TRPM8: variants seen among roughly 807,000 people sequenced by gnomAD.
The protein encoded by TRPM8 is transient receptor potential cation channel subfamily M member 8, also known as TRPM8 cationic channel.
In TRPM8, 110 loss-of-function variants were observed where a neutral mutation model predicts 133.7. That is an observed-to-expected ratio of 0.82 (90% CI 0.70 to 0.96). The LOEUF (loss-of-function observed/expected upper bound fraction) is 0.96, where lower values mean the gene tolerates loss of function less well. TRPM8 is among the 40% of genes least tolerant of loss of function. The probability of loss-of-function intolerance (pLI) is 0.00; values close to 1 mark genes in which losing one functional copy is unlikely to be tolerated. For missense variants in TRPM8, 1,291 were observed against 1,379.5 expected (o/e 0.94, Z 1.02); for synonymous variants, 535 against 532.3 (o/e 1.01, Z -0.07).
chr2:233,933,662 C>A (rs1691724914), intron 3 of TRPM8: 1 of 152,316 alleles, frequency 6.6e-6, no homozygotes, highest in Admixed American at 6.5e-5. Flanking sequence ...CTGTGACACA[C>A]CCCTACCCTT....
At chr2:233,999,681 C>T (rs997567076) in intron 22 of TRPM8, among the ~76,000 whole-genome samples, 2 of 152,242 alleles carry the variant, frequency 1.3e-5, no homozygotes, top group Admixed American at 6.5e-5. Flanking sequence ...AAATGCGTGG[C>T]GCCCTTGGAG....
At chr2:233,943,187 G>T (rs1453882471) in intron 6 of TRPM8, among the ~76,000 whole-genome samples, 1 of 149,276 alleles carries the variant, frequency 6.7e-6, no homozygotes, top group African/African-American at 2.5e-5. Context: ...GTATACATGT[G>T]CCATGTTGGT....
intron 6 of TRPM8, chr2:233,943,058 C>T: frequency 2.9e-6 from 1 of 342,922 alleles, no homozygotes. Context: ...TCAAAGCCAA[C>T]TGCAGTATCT....
chr2:233,992,342 A>T (rs1412752122), intron 21 of TRPM8, among the ~76,000 whole-genome samples: 1 of 151,776 alleles, frequency 6.6e-6, no homozygotes, highest in African/African-American at 2.4e-5. Flanking sequence ...CAGTTATTGA[A>T]ATGCTATTTT....
At chr2:233,919,873 A>G (rs928529499) in intron 1 of TRPM8, among the ~76,000 whole-genome samples, 5 of 152,202 alleles carry the variant, frequency 3.3e-5, no homozygotes, top group African/African-American at 1.2e-4. Flanking sequence ...TTAACATGAT[A>G]TTGCCGCTTG....
At chr2:234,007,977 C>T (rs1692734144) in intron 23 of TRPM8, 93 bp from the exon 24 acceptor site, 2 of 1,236,000 alleles carry the variant, frequency 1.6e-6, no homozygotes, top group Admixed American at 2.1e-5. Flanking sequence ...GTATTCTGTA[C>T]TTTAATTTAA....
chr2:233,960,983 G>T lies in TRPM8; in HGVS notation c.1570G>T (p.Val524Phe). Residue 524 changes from valine to phenylalanine, a missense_variant, in exon 12 of 26, where the codon GTC becomes TTC. By Grantham distance (50) the Val-to-Phe change is conservative. Transcript: ENST00000324695. ...NSYNDALLTF[V>F]WKLVANFRRG... is the part of the protein sequence containing the mutation. Reference sequence around the variant, plus strand: ...CTATAATGATGCCCTCCTCACGTTTGTCTGGAAACTGGTTGCGAACTTCCG... The same window carrying T: ...CTATAATGATGCCCTCCTCACGTTTTTCTGGAAACTGGTTGCGAACTTCCG... The T allele has an allele frequency of 1.2e-6, 2 of 1,614,156 alleles. No homozygotes were observed. Among genetic ancestry groups the T allele is most frequent in the African/African-American group, 1.3e-5 (1 of 75,042 alleles).
In TRPM8 at chr2:233,963,139, A is replaced by G. The variant is rs572730173; in HGVS notation, c.1654-143A>G. On this transcript the variant is annotated intron_variant, in intron 12 of 25. Coordinates refer to ENST00000324695, the MANE Select transcript of TRPM8 (RefSeq NM_024080.5). ...TTAGACCACCCAATGAGTTGCAGAG[A>G]TGAAAATCCCATCACTGTACTGTGA... 1.5e-3 allele frequency: 688 copies of G among 460,820 alleles called. 1 individual carries two copies. Among genetic ancestry groups the G allele is most frequent in the South Asian group, 2.1e-3 (31 of 14,494 alleles). 28.5% of individuals were successfully genotyped at this position (460,820 alleles called of 1,614,324 possible).
Position 233,963,273 on chromosome 2 carries a change from A to AC in TRPM8, c.1654-3dup. 2 of 1,601,516 alleles carry AC rather than the reference A, an allele frequency of 1.2e-6. No homozygotes were observed. The highest frequency in any genetic ancestry group is 1.7e-6 in the Non-Finnish European group (2 of 1,170,146). Reference sequence around the variant, plus strand: ...TTGCACATGCTGACCACATGCTCTAACCCCCCAGGACGTGTCTCCTATTAC... The same window carrying AC: ...TTGCACATGCTGACCACATGCTCTAACCCCCCCAGGACGTGTCTCCTATTAC... On this transcript the variant is annotated splice_polypyrimidine_tract_variant and intron_variant, in intron 12 of 25. Coordinates refer to ENST00000324695, the MANE Select transcript of TRPM8 (RefSeq NM_024080.5).
At chr2:233,931,925 C>T (rs1691687281) in intron 3 of TRPM8, among the ~76,000 whole-genome samples, 1 of 152,196 alleles carries the variant, frequency 6.6e-6, no homozygotes. Context: ...AAGTGAGGCC[C>T]AGAGAAGTTC....
intron 9 of TRPM8, 52 bp from the exon 10 acceptor site, chr2:233,953,865 C>T: frequency 7.9e-6 from 11 of 1,397,078 alleles, no homozygotes; most frequent in South Asian, 2.5e-5. Context: ...GAAGTTTATG[C>T]TCCTCATGCC....
chr2:233,931,293 G>A (rs891061294), intron 3 of TRPM8, among the ~76,000 whole-genome samples: 1 of 152,210 alleles, frequency 6.6e-6, no homozygotes, highest in African/African-American at 2.4e-5. Context: ...GGGTCGACTA[G>A]TGCTCACCCT....
intron 2 of TRPM8, among the ~76,000 whole-genome samples, chr2:233,929,119 C>T (rs925028502): frequency 6.6e-6 from 1 of 151,612 alleles, no homozygotes; most frequent in African/African-American, 2.4e-5. Flanking sequence ...GTTTGTTCAG[C>T]CTAAGGGGGA....
chr2:234,011,384 C>T (rs1692832813), intron 24 of TRPM8, among the ~76,000 whole-genome samples: 1 of 152,100 alleles, frequency 6.6e-6, no homozygotes, highest in Admixed American at 6.5e-5. Flanking sequence ...AATTTGAAGT[C>T]AGGAAGTGTG....
chr2:234,019,177 A>G lies in TRPM8; in HGVS notation c.*1921A>G, dbSNP rs369134499. 1.3e-5 allele frequency: 2 copies of G among 152,210 alleles called. No homozygotes were observed. The highest frequency in any genetic ancestry group is 2.9e-5 in the Non-Finnish European group (2 of 68,042). 9.4% of individuals were successfully genotyped at this position (152,210 alleles called of 1,614,324 possible). On this transcript the variant is annotated 3_prime_UTR_variant, in exon 26 of 26. Transcript: ENST00000324695. ...AAAATAACTACTCACAACATTCACT[A>G]TGTTTGCAAGGAATTAACACAAATA...
At chr2:233,943,810 G>T (rs1690975727) in intron 6 of TRPM8, among the ~76,000 whole-genome samples, 1 of 152,192 alleles carries the variant, frequency 6.6e-6, no homozygotes, top group Non-Finnish European at 1.5e-5. Context: ...CAAATGTTCA[G>T]AAATCCACAT....
chr2:233,982,642 A>G lies in TRPM8; in HGVS notation c.2590-411A>G, dbSNP rs569484769. Among the ~76,000 whole-genome samples the G allele has an allele frequency of 6.8e-4, 103 of 152,362 alleles. 1 individual carries two copies. The highest frequency in any genetic ancestry group is 1.9e-4 in the Non-Finnish European group (13 of 68,042). ...CGGTCCATTCTTGTCTAATAAGGAT[A>G]GCTTTTGTTTTCCAAACAAGCAAAT... is the stretch of plus-strand genomic sequence containing the variant. On this transcript the variant is annotated intron_variant, in intron 19 of 25. Coordinates refer to ENST00000324695, the MANE Select transcript of TRPM8 (RefSeq NM_024080.5).
chr2:233,959,325 C>CTTTTTTTTTTTTT (rs778556639), intron 11 of TRPM8, among the ~76,000 whole-genome samples: 1 of 106,310 alleles, frequency 9.4e-6, no homozygotes, highest in African/African-American at 4.2e-5. Context: ...CTCGCCCAGC[C>CTTTTTTTTTTTTT]TTTTTTTTTT....
chr2:234,015,134 T>C (rs1692928082), intron 25 of TRPM8, among the ~76,000 whole-genome samples: 1 of 152,248 alleles, frequency 6.6e-6, no homozygotes, highest in Non-Finnish European at 1.5e-5. Context: ...AAAAATGTTT[T>C]GGTGAGGCAT....
Sources: gnomAD v4.1 joint callset for allele counts (sites outside exome capture counted in the v4.1 genomes callset) on GRCh38, gnomAD v4.1.1 for gene constraint, MANE v1.5 for transcripts, NCBI Gene and HGNC (gene_info 2026-07-23, HGNC 2026-07-21) for gene names.